Variants in ATIC observed in about 807,000 individuals in gnomAD.
ATIC encodes bifunctional purine biosynthesis protein ATIC.
Under a neutral mutation model 72.5 loss-of-function variants are expected in ATIC, and 64 were observed. The ratio of observed to expected loss-of-function variants is 0.88; its 90% CI spans 0.72 to 1.09. ATIC has a LOEUF of 1.09. Among genes scored for constraint, ATIC ranks in the 50% least tolerant of loss-of-function variants. ATIC has a pLI of 0.00. For missense variants in ATIC, 787 were observed against 732.4 expected (o/e 1.07, Z -0.86); for synonymous variants, 281 against 267.1 (o/e 1.05, Z -0.51).
intron 9 of ATIC, among the ~76,000 whole-genome samples, chr2:215,333,942 T>C (rs1230066912): frequency 1.3e-5 from 2 of 151,322 alleles, no homozygotes; most frequent in Non-Finnish European, 2.9e-5. Flanking sequence ...CTCAGGAGGC[T>C]GAGGCAGGAG....
intron 4 of ATIC, among the ~76,000 whole-genome samples, chr2:215,324,961 G>C (rs1402660136): frequency 2.6e-5 from 4 of 152,068 alleles, no homozygotes; most frequent in Non-Finnish European, 5.9e-5. Flanking sequence ...GGTAGCTAAG[G>C]TTATGCAAGC....
chr2:215,362,685 T>A, the ATIC span: 1 of 155,342 alleles, frequency 6.4e-6, no homozygotes, highest in South Asian at 2.0e-4. Context: ...GGAGATGGCA[T>A]GGGAGATGGA....
At chr2:215,318,340 A>T in intron 3 of ATIC, 107 bp downstream of exon 3, 1 of 1,077,596 alleles carries the variant, frequency 9.3e-7, no homozygotes, top group Non-Finnish European at 1.4e-6. Context: ...AGAAATTTAC[A>T]TATAAAGTTA....
chr2:215,354,805 C>T, the ATIC span, among the ~76,000 whole-genome samples: 1 of 151,074 alleles, frequency 6.6e-6, no homozygotes, highest in African/African-American at 2.4e-5. Context: ...CTTTTAAAGT[C>T]TCTTTACTCA....
chr2:215,341,307 G>C (rs953447592), intron 12 of ATIC, among the ~76,000 whole-genome samples: 3 of 152,208 alleles, frequency 2.0e-5, no homozygotes, highest in African/African-American at 7.2e-5. Context: ...TATTGACCTA[G>C]ATTCCATGGT....
chr2:215,318,284 A>G, intron 3 of ATIC, 51 bp downstream of exon 3: 1 of 1,503,596 alleles, frequency 6.7e-7, no homozygotes, highest in Non-Finnish European at 9.3e-7. Context: ...TTCCAGGAAT[A>G]TTTTAGTTGA....
At chr2:215,365,362 C>G in the ATIC span, 1 of 923,798 alleles carries the variant, frequency 1.1e-6, no homozygotes, top group Admixed American at 1.8e-5. Context: ...CTCCACTTTC[C>G]CAAATCAAAA....
chr2:215,342,830 G>A (rs540099982), intron 12 of ATIC, among the ~76,000 whole-genome samples: 5 of 152,036 alleles, frequency 3.3e-5, no homozygotes, highest in Non-Finnish European at 7.4e-5. Context: ...CAGGCATGCG[G>A]CACCACACCT....
At chr2:215,317,450 TATG>T (rs1559266189) in intron 2 of ATIC, among the ~76,000 whole-genome samples, 13 of 152,184 alleles carry the variant, frequency 8.5e-5, no homozygotes, top group African/African-American at 3.1e-4. Context: ...AACAGTCTTT[TATG>T]TCTTCACTCA....
chr2:215,345,468 A>C, intron 13 of ATIC: 1 of 164,354 alleles, frequency 6.1e-6, no homozygotes, highest in Non-Finnish European at 1.3e-5. Flanking sequence ...AACATTTCTC[A>C]CTGTGTGACG....
chr2:215,346,926 T>C lies in ATIC; in HGVS notation c.1488T>C (p.Thr496=), dbSNP rs140711402. The C allele has an allele frequency of 7.0e-4, 1,138 of 1,614,198 alleles. 7 individuals carry two copies. In the African/African-American group the frequency reaches 0.014, roughly 20 times the overall value. The part of the protein sequence containing the change: ...EISNAIDQYV[T]GTIGEDEDLI... ...CCAATGCCATCGATCAATATGTGAC[T>C]GGAACCATTGGCGAGGTGAAAGACT... Residue 496 remains threonine, a synonymous_variant, in exon 14 of 16, where the codon ACT becomes ACC. Coordinates refer to ENST00000236959, the MANE Select transcript of ATIC (RefSeq NM_004044.7).
In ATIC at chr2:215,315,506, A is replaced by G. The variant is rs141255433; in HGVS notation, c.147-2651A>G. 6.3e-3 allele frequency among the ~76,000 whole-genome samples: 964 copies of G among 152,252 alleles called. 11 individuals carry two copies. Among genetic ancestry groups the G allele is most frequent in the African/African-American group, 0.022 (922 of 41,548 alleles). ...TGAGTATCTGGGACTACAGCTGCAC[A>G]CCAGCATGCCCAACTAATTTTTGTA... is the stretch of plus-strand genomic sequence containing the variant. On this transcript the variant is annotated intron_variant, in intron 2 of 15. Transcript: ENST00000236959.
chr2:215,345,074 C>CA, intron 13 of ATIC: 2 of 635,570 alleles, frequency 3.1e-6, no homozygotes. Flanking sequence ...ACCAGGTACT[C>CA]AAAGTAGTTG....
chr2:215,362,659 A>G, the ATIC span: 1 of 155,552 alleles, frequency 6.4e-6, no homozygotes, highest in Non-Finnish European at 1.4e-5. Context: ...GTGACATGGT[A>G]GCCTGTCACC....
the ATIC span, chr2:215,362,784 T>C: frequency 6.5e-6 from 1 of 152,812 alleles, no homozygotes; most frequent in African/African-American, 2.4e-5. Flanking sequence ...CTACTGTTCT[T>C]AAGCTGGCAG....
At chr2:215,365,265 T>C in the ATIC span, among the ~76,000 whole-genome samples, 1 of 152,230 alleles carries the variant, frequency 6.6e-6, no homozygotes, top group Non-Finnish European at 1.5e-5. Context: ...AGCATTTTAC[T>C]GCAGATAATG....
At chr2:215,320,346 A>G (rs1192145474) in intron 4 of ATIC, among the ~76,000 whole-genome samples, 2 of 152,184 alleles carry the variant, frequency 1.3e-5, no homozygotes, top group East Asian at 1.9e-4. Context: ...CTGCATTGCT[A>G]TAAAGGAATA....
chr2:215,312,068 C>T lies in ATIC; in HGVS notation c.-75C>T, dbSNP rs117281478. Reference sequence around the variant, plus strand: ...CCTCGCTTCCTGAGCCGCCACATCCCGGCAGCCCTCCTACCTGCGCACGTG... The same window carrying T: ...CCTCGCTTCCTGAGCCGCCACATCCTGGCAGCCCTCCTACCTGCGCACGTG... On this transcript the variant is annotated 5_prime_UTR_variant, in exon 1 of 16. Coordinates refer to ENST00000236959, the MANE Select transcript of ATIC (RefSeq NM_004044.7). The T allele has an allele frequency of 2.1e-3, 3,227 of 1,524,210 alleles. 38 individuals carry two copies. Among genetic ancestry groups the T allele is most frequent in the East Asian group, 0.02 (793 of 40,466 alleles). The allele number at this position is 1,524,210 out of a possible 1,614,324, so 94.4% of individuals were successfully genotyped here. A position where few individuals can be genotyped will look rare whatever the true frequency, so the allele number is the denominator to read the frequency against.
At chr2:215,334,826 A>G in intron 9 of ATIC, 93 bp from the exon 10 acceptor site, 1 of 987,156 alleles carries the variant, frequency 1.0e-6, no homozygotes, top group Non-Finnish European at 1.6e-6. Context: ...TTAGCTTTAG[A>G]GTAATGAATT....
Sources: allele counts gnomAD v4.1 joint callset (sites outside exome capture counted in the v4.1 genomes callset), GRCh38; gene constraint gnomAD v4.1.1; transcripts MANE v1.5; gene names NCBI Gene and HGNC (gene_info 2026-07-23, HGNC 2026-07-21).